Variants in KLHL4 observed in about 807,000 individuals in gnomAD.
The protein encoded by KLHL4 is kelch-like protein 4.
Under a neutral mutation model 45.8 loss-of-function variants are expected in KLHL4, and 17 were observed. The observed-to-expected ratio is 0.37, with a 90% CI of 0.25 to 0.56. The LOEUF (loss-of-function observed/expected upper bound fraction) is 0.56, where lower values mean the gene tolerates loss of function less well. Among genes scored for constraint, KLHL4 ranks in the 20% least tolerant of loss-of-function variants. KLHL4 has a pLI of 0.79. For synonymous variants in KLHL4, 224 were observed against 189.9 expected, an observed-to-expected ratio of 1.18 and a Z score of -1.47; for missense variants, 544 against 544.9, an observed-to-expected ratio of 1.00 and a Z score of 0.02.
intron 1 of KLHL4, among the ~76,000 whole-genome samples, chrX:87,535,176 A>T (rs769620364): frequency 5.4e-5 from 6 of 111,687 alleles, no homozygotes; most frequent in Non-Finnish European, 7.5e-5. Flanking sequence ...ATAATTGCAT[A>T]TTTACAGATA....
chrX:87,518,105 A>G lies in KLHL4; in HGVS notation c.212A>G (p.His71Arg). The G allele has an allele frequency of 4.1e-6, 5 of 1,211,888 alleles. No individual in the cohort carries two copies. Among genetic ancestry groups the G allele is most frequent in the Non-Finnish European group, 4.5e-6 (4 of 895,495 alleles). ...AAGAAAAGCAACAGTCCTGTCCACC[A>G]CAATATACTGGCACCAGTGCCAGGA... is the stretch of plus-strand genomic sequence containing the variant. The part of the protein sequence containing the change: ...GLKKSNSPVH[H>R]NILAPVPGPA... Residue 71 changes from histidine to arginine, a missense_variant, in exon 1 of 11, where the codon CAC (histidine) becomes CGC (arginine). Physicochemically the swap from His to Arg is conservative, Grantham distance 29. Transcript: ENST00000373119.
intron 1 of KLHL4, among the ~76,000 whole-genome samples, chrX:87,604,751 T>TA (rs1287132601): frequency 2.6e-4 from 29 of 111,485 alleles, no homozygotes; most frequent in African/African-American, 5.8e-4. Context: ...TCCTTTGCTA[T>TA]AAAAAAACTT....
At chrX:87,565,337 A>G (rs756744638) in intron 1 of KLHL4, among the ~76,000 whole-genome samples, 2 of 112,093 alleles carry the variant, frequency 1.8e-5, no homozygotes, top group South Asian at 7.3e-4. Context: ...AATAGACTCA[A>G]TTGAACTAAA....
Position 87,635,793 on chromosome X carries a change from C to A in KLHL4, c.1925+18C>A. The A allele has an allele frequency of 2.8e-6, 3 of 1,063,482 alleles. No homozygotes were observed. Among genetic ancestry groups the A allele is most frequent in the Non-Finnish European group, 3.8e-6 (3 of 793,861 alleles). The allele number at this position is 1,063,482 out of a possible 1,213,427, so 87.6% of individuals were successfully genotyped here. A position where few individuals can be genotyped will look rare whatever the true frequency, so the allele number is the denominator to read the frequency against. ...GTGGAACGGTAAGTTTTTTCTATTTCCTTCTGTATGTAATTATTTGGTTAT... is the reference window on the plus strand; with the variant it reads ...GTGGAACGGTAAGTTTTTTCTATTTACTTCTGTATGTAATTATTTGGTTAT... On this transcript the variant is annotated intron_variant, in intron 9 of 10. Coordinates refer to ENST00000373119, the MANE Select transcript of KLHL4 (RefSeq NM_019117.5).
intron 6 of KLHL4, among the ~76,000 whole-genome samples, chrX:87,626,035 G>A (rs1922915360): frequency 8.9e-6 from 1 of 111,903 alleles, no homozygotes; most frequent in Admixed American, 9.5e-5. Context: ...TTTAAGATTT[G>A]AATATTTACT....
chrX:87,662,274 T>C (rs1924213058), intron 9 of KLHL4, among the ~76,000 whole-genome samples: 1 of 111,595 alleles, frequency 9.0e-6, no homozygotes, highest in Non-Finnish European at 1.9e-5. Flanking sequence ...TGTACAAATA[T>C]ATATCAATTA....
chrX:87,600,740 A>T (rs1921992557), intron 1 of KLHL4, among the ~76,000 whole-genome samples: 1 of 112,027 alleles, frequency 8.9e-6, no homozygotes, highest in Non-Finnish European at 1.9e-5. Flanking sequence ...AGCCTAACAC[A>T]AGAAGTCTAA....
intron 9 of KLHL4, among the ~76,000 whole-genome samples, chrX:87,648,619 A>G (rs1470867578): frequency 1.8e-5 from 2 of 111,156 alleles, no homozygotes; most frequent in African/African-American, 6.6e-5. Flanking sequence ...TAAAGGATAG[A>G]ATTTAGGCAG....
In KLHL4 at chrX:87,667,358, C is replaced by G; in HGVS notation, c.*824C>G. On this transcript the variant is annotated 3_prime_UTR_variant, in exon 11 of 11. Coordinates refer to ENST00000373119, the MANE Select transcript of KLHL4 (RefSeq NM_019117.5). ...CTTGTATAGAATGTAATGTTCTCCT[C>G]AAACATTTATGTTAACTCTATAAAC... The G allele has an allele frequency of 1.4e-6, 1 of 704,178 alleles. No homozygotes were observed. 58.0% of individuals were successfully genotyped at this position (704,178 alleles called of 1,213,427 possible).
rs763607970 is a variant in KLHL4, at chrX:87,533,130, G to T, written c.422+14815G>T. Among the ~76,000 whole-genome samples the T allele has an allele frequency of 4.6e-3, 503 of 109,066 alleles. 1 individual carries two copies. The highest frequency in any genetic ancestry group is 0.016 in the African/African-American group (486 of 29,928). 94.7% of individuals were successfully genotyped at this position (109,066 alleles called of 115,157 possible). On this transcript the variant is annotated intron_variant, in intron 1 of 10. Coordinates refer to ENST00000373119, the MANE Select transcript of KLHL4 (RefSeq NM_019117.5). ...GGGACTGTAAACTAGTTCAACCATT[G>T]TGGAAGTCAGTGTGGCGATTCCTCA...
chrX:87,630,439 A>G (rs1366483396), intron 6 of KLHL4, among the ~76,000 whole-genome samples: 2 of 110,792 alleles, frequency 1.8e-5, no homozygotes, highest in Admixed American at 9.7e-5. Flanking sequence ...TTTGTTACAT[A>G]TGTATACATG....
chrX:87,623,129 G>A (rs1220288053), intron 5 of KLHL4, among the ~76,000 whole-genome samples: 1 of 110,655 alleles, frequency 9.0e-6, no homozygotes, highest in African/African-American at 3.3e-5. Flanking sequence ...TGTGGCTATA[G>A]GCCTCAAACA....
chrX:87,580,904 T>C (rs1049931066), intron 1 of KLHL4, among the ~76,000 whole-genome samples: 2 of 111,909 alleles, frequency 1.8e-5, no homozygotes, highest in Non-Finnish European at 3.8e-5. Context: ...AGCTAGGGCC[T>C]CCAGCCACCC....
chrX:87,567,151 C>T (rs1392277585), intron 1 of KLHL4, among the ~76,000 whole-genome samples: 1 of 111,051 alleles, frequency 9.0e-6, no homozygotes, highest in Non-Finnish European at 1.9e-5. Flanking sequence ...CTTCCTATGC[C>T]TGGCAAAGGA....
intron 1 of KLHL4, among the ~76,000 whole-genome samples, chrX:87,593,019 C>T: frequency 8.9e-6 from 1 of 111,763 alleles, no homozygotes; most frequent in Non-Finnish European, 1.9e-5. Flanking sequence ...TGTCATTCCG[C>T]TGTCATTTGT....
At chrX:87,574,196 G>A (rs969853721) in intron 1 of KLHL4, among the ~76,000 whole-genome samples, 4 of 111,130 alleles carry the variant, frequency 3.6e-5, no homozygotes, top group Middle Eastern at 4.3e-3. Flanking sequence ...CCTTGAAATG[G>A]AAATTTCATC....
chrX:87,642,737 C>G (rs1923505024), intron 9 of KLHL4, among the ~76,000 whole-genome samples: 1 of 112,206 alleles, frequency 8.9e-6, no homozygotes, highest in Non-Finnish European at 1.9e-5. Context: ...TTTGGACACA[C>G]TTTCAGAAAT....
At chrX:87,640,771 A>G (rs1177359687) in intron 9 of KLHL4, among the ~76,000 whole-genome samples, 1 of 111,458 alleles carries the variant, frequency 9.0e-6, no homozygotes, top group Non-Finnish European at 1.9e-5. Flanking sequence ...TCTCCCTGAG[A>G]ACTGGAAGAA....
chrX:87,647,946 A>G (rs945581067), intron 9 of KLHL4, among the ~76,000 whole-genome samples: 3 of 111,834 alleles, frequency 2.7e-5, no homozygotes, highest in East Asian at 2.8e-4. Flanking sequence ...ATGACTTACC[A>G]TCACAAAATA....
Sources: allele counts gnomAD v4.1 joint callset (sites outside exome capture counted in the v4.1 genomes callset), GRCh38; gene constraint gnomAD v4.1.1; transcripts MANE v1.5; gene names NCBI Gene and HGNC (gene_info 2026-07-23, HGNC 2026-07-21).